The following SUGCT variants were observed in gnomAD, a reference collection of about 807,000 sequenced individuals.
SUGCT encodes the protein succinyl-CoA:glutarate-CoA transferase, also known as succinyl-CoA:glutarate CoA-transferase.
Under a neutral mutation model 55.0 loss-of-function variants are expected in SUGCT, and 41 were observed. The ratio of observed to expected loss-of-function variants is 0.74; its 90% CI spans 0.58 to 0.97. The LOEUF is 0.97. Ranked by LOEUF, SUGCT falls within the 50% of genes least tolerant of loss-of-function variation. The probability of loss-of-function intolerance (pLI) is 0.00; values close to 1 mark genes in which losing one functional copy is unlikely to be tolerated. For synonymous variants in SUGCT, 187 were observed against 200.4 expected, an observed-to-expected ratio of 0.93 and a Z score of 0.56; for missense variants, 568 against 547.8, an observed-to-expected ratio of 1.04 and a Z score of -0.37.
chr7:40,897,426 GAC>G, the SUGCT span, among the ~76,000 whole-genome samples: 31,387 of 148,676 alleles, frequency 0.21, 3,310 homozygotes, highest in South Asian at 0.25. Context: ...AATAAAGCTG[GAC>G]ACACACACAC....
intron 12 of SUGCT, among the ~76,000 whole-genome samples, chr7:40,746,752 C>T (rs1191602361): frequency 6.6e-6 from 1 of 152,152 alleles, no homozygotes; most frequent in Admixed American, 6.5e-5. Flanking sequence ...ACCAACTACC[C>T]TTTCACGTTT....
At chr7:40,246,248 G>A (rs1448313319) in intron 7 of SUGCT, among the ~76,000 whole-genome samples, 9 of 115,602 alleles carry the variant, frequency 7.8e-5, no homozygotes, top group Non-Finnish European at 1.5e-4. Flanking sequence ...CATATAGCAT[G>A]TTCTTTTTTT....
intron 12 of SUGCT, among the ~76,000 whole-genome samples, chr7:40,720,881 G>A (rs1786292850): frequency 6.6e-6 from 1 of 152,182 alleles, no homozygotes; most frequent in Non-Finnish European, 1.5e-5. Flanking sequence ...TTAAAACACT[G>A]AGCTGTATTT....
intron 1 of SUGCT, among the ~76,000 whole-genome samples, chr7:40,173,247 A>G (rs1320863450): frequency 6.6e-6 from 1 of 152,240 alleles, no homozygotes; most frequent in Non-Finnish European, 1.5e-5. Flanking sequence ...TTAGCTATGC[A>G]GGAACAATGG....
intron 13 of SUGCT, among the ~76,000 whole-genome samples, chr7:40,772,831 C>T (rs946083901): frequency 4.6e-5 from 7 of 152,002 alleles, no homozygotes; most frequent in Middle Eastern, 3.2e-3. Flanking sequence ...CACCATGTAG[C>T]CCAGGCTGGT....
chr7:40,582,090 G>T (rs1797126570), intron 12 of SUGCT, among the ~76,000 whole-genome samples: 1 of 151,962 alleles, frequency 6.6e-6, no homozygotes, highest in African/African-American at 2.4e-5. Context: ...TACAGTTCTG[G>T]ACAAACAGAC....
At chr7:40,952,363 G>C in the SUGCT span, among the ~76,000 whole-genome samples, 1 of 152,092 alleles carries the variant, frequency 6.6e-6, no homozygotes, top group Admixed American at 6.6e-5. Flanking sequence ...ACATGAGATG[G>C]GTTTCCTGAA....
chr7:40,237,269 C>A (rs1394010090), intron 6 of SUGCT, among the ~76,000 whole-genome samples: 2 of 151,816 alleles, frequency 1.3e-5, no homozygotes, highest in Non-Finnish European at 2.9e-5. Context: ...CATGGCGAAA[C>A]CTTGTCTTTA....
At chr7:40,473,570 C>T (rs1000360821) in intron 11 of SUGCT, among the ~76,000 whole-genome samples, 4 of 151,950 alleles carry the variant, frequency 2.6e-5, no homozygotes, top group African/African-American at 9.7e-5. Context: ...GTACTTTTGA[C>T]CCCCTCCCAA....
At chr7:40,607,484 C>T (rs1343266061) in intron 12 of SUGCT, among the ~76,000 whole-genome samples, 2 of 152,070 alleles carry the variant, frequency 1.3e-5, no homozygotes, top group Non-Finnish European at 2.9e-5. Flanking sequence ...TATTTGATGG[C>T]CAACCCAGTA....
chr7:40,650,322 C>T (rs988536867), intron 12 of SUGCT, among the ~76,000 whole-genome samples: 1 of 152,090 alleles, frequency 6.6e-6, no homozygotes, highest in Non-Finnish European at 1.5e-5. Context: ...AATCTGTGCT[C>T]AAAGGGGGGG....
chr7:40,342,144 C>G (rs1214046425), intron 9 of SUGCT, among the ~76,000 whole-genome samples: 1 of 152,222 alleles, frequency 6.6e-6, no homozygotes, highest in Non-Finnish European at 1.5e-5. Flanking sequence ...ATGGCAGATA[C>G]TGATCCATCT....
intron 6 of SUGCT, among the ~76,000 whole-genome samples, chr7:40,216,514 A>G (rs1388743853): frequency 1.3e-5 from 2 of 151,418 alleles, no homozygotes; most frequent in Non-Finnish European, 2.9e-5. Flanking sequence ...AAAAAAAAAA[A>G]AAAAAAAGAA....
chr7:40,937,310 A>G, the SUGCT span, among the ~76,000 whole-genome samples: 1 of 152,086 alleles, frequency 6.6e-6, no homozygotes, highest in African/African-American at 2.4e-5. Context: ...CTGGGATTAC[A>G]GGCGCCTGCC....
the SUGCT span, among the ~76,000 whole-genome samples, chr7:41,032,021 G>T: frequency 1.4e-5 from 2 of 144,758 alleles, no homozygotes; most frequent in African/African-American, 5.0e-5. Flanking sequence ...ATGAATGAAT[G>T]AACCTAAAAT....
At chr7:40,348,070 G>A (rs959032427) in intron 9 of SUGCT, among the ~76,000 whole-genome samples, 1 of 152,206 alleles carries the variant, frequency 6.6e-6, no homozygotes, top group Admixed American at 6.5e-5. Flanking sequence ...AGAGAGAGCT[G>A]GTGGCTCAAC....
chr7:40,742,546 C>G (rs957797079), intron 12 of SUGCT, among the ~76,000 whole-genome samples: 3 of 152,162 alleles, frequency 2.0e-5, no homozygotes, highest in Non-Finnish European at 4.4e-5. Context: ...TGCCGCTCAT[C>G]TGACAGGAGG....
chr7:40,783,845 T>C (rs1789881586), intron 13 of SUGCT, among the ~76,000 whole-genome samples: 1 of 152,286 alleles, frequency 6.6e-6, no homozygotes, highest in South Asian at 2.1e-4. Flanking sequence ...ATTACTATGG[T>C]TTACTCTTCC....
chr7:40,297,450 G>T (rs539315932), intron 8 of SUGCT, among the ~76,000 whole-genome samples: 110 of 152,182 alleles, frequency 7.2e-4, no homozygotes, highest in Non-Finnish European at 8.8e-5. Flanking sequence ...ATGGATTCTG[G>T]CTGATTCGTA....
Sources: allele counts gnomAD v4.1 joint callset (sites outside exome capture counted in the v4.1 genomes callset), GRCh38; gene constraint gnomAD v4.1.1; transcripts MANE v1.5; gene names NCBI Gene and HGNC (gene_info 2026-07-23, HGNC 2026-07-21).